Variants in APBA3 observed in about 807,000 individuals in gnomAD.
The protein encoded by APBA3 is amyloid beta precursor protein binding family A member 3.
A neutral mutation model predicts 55.9 loss-of-function variants in APBA3; 45 were observed. That is an observed-to-expected ratio of 0.80 (90% CI 0.63 to 1.03). The LOEUF (loss-of-function observed/expected upper bound fraction) is 1.03, where lower values mean the gene tolerates loss of function less well. Ranked by LOEUF, APBA3 falls within the 50% of genes least tolerant of loss-of-function variation. The probability of loss-of-function intolerance (pLI) is 0.00; values close to 1 mark genes in which losing one functional copy is unlikely to be tolerated. For missense variants in APBA3, 865 were observed against 820.3 expected (o/e 1.05, Z -0.67); for synonymous variants, 370 against 353.3 (o/e 1.05, Z -0.53).
chr19:3,755,203 G>A, intron 3 of APBA3: 1 of 152,288 alleles, frequency 6.6e-6, no homozygotes, highest in Non-Finnish European at 1.5e-5. Flanking sequence ...ACCCCAGCTG[G>A]TTCTGACCCT....
intron 1 of APBA3, among the ~76,000 whole-genome samples, chr19:3,761,041 G>T (rs1327069703): frequency 6.6e-6 from 1 of 152,182 alleles, no homozygotes; most frequent in Non-Finnish European, 1.5e-5. Context: ...TTGCAAGGAA[G>T]TTAGGATTCC....
At chr19:3,753,641 G>C in intron 6 of APBA3, 124 bp downstream of exon 6, 1 of 1,024,000 alleles carries the variant, frequency 9.8e-7, no homozygotes, top group Non-Finnish European at 1.4e-6. Flanking sequence ...AGGAGACCTT[G>C]TCCCAAAAAA....
At chr19:3,752,463 C>T (rs1288250465) in intron 8 of APBA3, 45 bp downstream of exon 8, 1 of 1,505,408 alleles carries the variant, frequency 6.6e-7, no homozygotes. Context: ...GGACTCAGCT[C>T]CCCTTCCTGG....
chr19:3,752,880 G>A lies in APBA3; in HGVS notation c.1122C>T (p.Gly374=), dbSNP rs200627733. ...PSQVGVHPSP[G]ACHLHNGDLD... ...GGTCCCCATTATGGAGGTGGCAGGC[G>A]CCTGGGCTCGGGTGCACGCCCACCT... is the stretch of plus-strand genomic sequence containing the variant. The change falls in exon 7 of 11, where the codon GGC becomes GGT. Residue 374 remains glycine, a synonymous_variant. Transcript: ENST00000316757. 61 of 1,613,154 alleles carry A rather than the reference G, an allele frequency of 3.8e-5. No homozygotes were observed. Among genetic ancestry groups the A allele is most frequent in the South Asian group, 1.8e-4 (16 of 91,086 alleles).
intron 3 of APBA3, among the ~76,000 whole-genome samples, chr19:3,757,602 G>A (rs1277017488): frequency 6.6e-6 from 1 of 152,116 alleles, no homozygotes; most frequent in East Asian, 1.9e-4. Flanking sequence ...CACGGTGGCG[G>A]ACGCTTGTAA....
rs373965806 is a variant in APBA3, at chr19:3,751,473, G to A, written c.1476C>T (p.His492=). 1.5e-5 allele frequency: 23 copies of A among 1,564,404 alleles called. No individual in the cohort carries two copies. The highest frequency in any genetic ancestry group is 1.1e-4 in the Admixed American group (6 of 52,562). Residue 492 remains histidine (H), a synonymous_variant, in exon 9 of 11, where the codon CAC becomes CAT. Transcript: ENST00000316757. ...PVTTAIIHRP[H]AREQLGFCVE... is the part of the protein sequence containing the mutation. ...CGCAGAAGCCCAGCTGCTCGCGGGC[G>A]TGGGGCCGGTGGATGATGGCGGTGG...
At position 3,759,546 on chromosome 19, in the gene APBA3, G is replaced by A. The variant is rs1326755819; in HGVS notation, c.616+15C>T. On this transcript the variant is annotated intron_variant, in intron 3 of 10. Coordinates refer to ENST00000316757, the MANE Select transcript of APBA3 (RefSeq NM_004886.4). ...GGCCTTCAGTGCCTGAGGCTAGGGT[G>A]GGCGGGACACTCACCCTCCTGGGGG... is the stretch of plus-strand genomic sequence containing the variant. The A allele has an allele frequency of 1.9e-6, 3 of 1,591,698 alleles. No individual in the cohort carries two copies. The highest frequency in any genetic ancestry group is 2.3e-5 in the South Asian group (2 of 88,248).
chr19:3,752,975 G>T lies in APBA3; in HGVS notation c.1027C>A (p.Gln343Lys). 1 of 1,612,302 alleles carries T rather than the reference G, an allele frequency of 6.2e-7. No homozygotes were observed. The highest frequency in any genetic ancestry group is 8.5e-7 in the Non-Finnish European group (1 of 1,179,878). Residue 343 changes from glutamine to lysine, a missense_variant, in exon 7 of 11, where the codon CAG becomes AAG. By Grantham distance (53) the Gln-to-Lys change is moderately conservative (BLOSUM62 1). Coordinates refer to ENST00000316757, the MANE Select transcript of APBA3 (RefSeq NM_004886.4). ...FYAEDAQLIA[Q>K]AIGQAFAAAY... is the part of the protein sequence containing the mutation. Reference sequence around the variant, plus strand: ...GCGGCGAAGGCCTGGCCAATGGCCTGGGCGATGAGCTGGGCCTGCGGGGAG... The same window carrying T: ...GCGGCGAAGGCCTGGCCAATGGCCTTGGCGATGAGCTGGGCCTGCGGGGAG...
At chr19:3,760,358 TA>T in intron 1 of APBA3, 57 bp from the exon 2 acceptor site, 1 of 1,201,156 alleles carries the variant, frequency 8.3e-7, no homozygotes, top group Non-Finnish European at 1.1e-6. Flanking sequence ...CTCATGCCTG[TA>T]ATCCCAGAAT....
intron 3 of APBA3, among the ~76,000 whole-genome samples, chr19:3,758,804 G>C (rs1309917097): frequency 6.6e-6 from 1 of 151,938 alleles, no homozygotes; most frequent in Non-Finnish European, 1.5e-5. Context: ...CTTGAACCCG[G>C]GAGGCGGAAG....
In APBA3 at chr19:3,754,334, C is replaced by A; in HGVS notation, c.623G>T (p.Gly208Val). ...CAGGAGGTCTTCATGGTCACAGGGA[C>A]CAGGCACTGAGGGCGACAGCGAAGA... ...ASYPAPQEVP[G>V]PCDHEDLLDG... is the part of the protein sequence containing the mutation. The change falls in exon 4 of 11, where the codon GGT becomes GTT. Residue 208 changes from glycine (G) to valine (V), a missense_variant. By Grantham distance (109) the Gly-to-Val change is moderately radical. Coordinates refer to ENST00000316757, the MANE Select transcript of APBA3 (RefSeq NM_004886.4). 6.4e-7 allele frequency: 1 copy of A among 1,558,962 alleles called. No homozygotes were observed. Among genetic ancestry groups the A allele is most frequent in the Non-Finnish European group, 8.7e-7 (1 of 1,154,102 alleles).
intron 3 of APBA3, chr19:3,756,067 G>T (rs1319747600): frequency 6.6e-6 from 1 of 152,166 alleles, no homozygotes; most frequent in Non-Finnish European, 1.5e-5. Flanking sequence ...AGAGAGATAC[G>T]TCATTCACTG....
At chr19:3,758,093 C>A (rs941753922) in intron 3 of APBA3, among the ~76,000 whole-genome samples, 1 of 151,844 alleles carries the variant, frequency 6.6e-6, no homozygotes, top group Admixed American at 6.6e-5. Context: ...CACTACCATG[C>A]CCGGCTAATT....
At chr19:3,754,362 G>A (rs1352449591) in intron 3 of APBA3, 22 bp from the exon 4 acceptor site, 3 of 1,547,896 alleles carry the variant, frequency 1.9e-6, no homozygotes, top group Non-Finnish European at 2.6e-6. Flanking sequence ...AGCGAAGAGG[G>A]TCGGCCCCCA....
Position 3,752,694 on chromosome 19 carries a change from C to T in APBA3, c.1209G>A (p.Glu403=), listed in dbSNP as rs1362395437. 2 of 1,595,152 alleles carry T rather than the reference C, an allele frequency of 1.3e-6. No individual in the cohort carries two copies. The highest frequency in any genetic ancestry group is 1.7e-6 in the Non-Finnish European group (2 of 1,175,370). The change falls in exon 8 of 11, where the codon GAG becomes GAA. Residue 403 remains glutamate (E), a synonymous_variant. Transcript: ENST00000316757. ...REVHLEKRRG[E]GLGVALVESG... is the part of the protein sequence containing the mutation. ...ACTCCACCAGGGCCACGCCCAGGCC[C>T]TCCCCTCGCCGCTTCTCGAGGTGCA...
chr19:3,751,180 C>T lies in APBA3; in HGVS notation c.1656+9G>A. 6.4e-7 allele frequency: 1 copy of T among 1,552,838 alleles called. No homozygotes were observed. Among genetic ancestry groups the T allele is most frequent in the Non-Finnish European group, 8.7e-7 (1 of 1,148,698 alleles). On this transcript the variant is annotated intron_variant, in intron 10 of 10. Coordinates refer to ENST00000316757, the MANE Select transcript of APBA3 (RefSeq NM_004886.4). ...GGGCGCCCCTGGCCACCACCCACCA[C>T]CCGCACACCTCGCCATAGGCCTCGG...
chr19:3,752,697 C>A lies in APBA3; in HGVS notation c.1206G>T (p.Gly402=), dbSNP rs1298912925. ...CCACCAGGGCCACGCCCAGGCCCTC[C>A]CCTCGCCGCTTCTCGAGGTGCACCT... ...CREVHLEKRR[G]EGLGVALVES... Residue 402 remains glycine (G), a synonymous_variant, in exon 8 of 11, where the codon GGG becomes GGT. Transcript: ENST00000316757. 5 of 1,595,802 alleles carry A rather than the reference C, an allele frequency of 3.1e-6. No homozygotes were observed. The highest frequency in any genetic ancestry group is 4.3e-6 in the Non-Finnish European group (5 of 1,175,560).
At position 3,754,066 on chromosome 19, in the gene APBA3, G is replaced by C; in HGVS notation, c.802C>G (p.Leu268Val). 6.2e-7 allele frequency: 1 copy of C among 1,610,930 alleles called. No individual in the cohort carries two copies. Reference sequence around the variant, plus strand: ...TTGATCCTCTTGGTGGAGACGAACAGGTCCACCTCCGTCATGGGCTGGGTC... The same window carrying C: ...TTGATCCTCTTGGTGGAGACGAACACGTCCACCTCCGTCATGGGCTGGGTC... ...GETQPMTEVD[L>V]FVSTKRIKVL... The change falls in exon 5 of 11, where the codon CTG becomes GTG. Residue 268 changes from leucine to valine, a missense_variant. Transcript: ENST00000316757.
At position 3,752,542 on chromosome 19, in the gene APBA3, C is replaced by G. The variant is rs1013540370; in HGVS notation, c.1361G>C (p.Gly454Ala). 3.8e-6 allele frequency: 6 copies of G among 1,587,864 alleles called. No individual in the cohort carries two copies. Among genetic ancestry groups the G allele is most frequent in the Non-Finnish European group, 5.1e-6 (6 of 1,172,152 alleles). The change falls in exon 8 of 11, where the codon GGG becomes GCG. Residue 454 changes from glycine to alanine, a missense_variant. By Grantham distance (60) the Gly-to-Ala change is moderately conservative. Coordinates refer to ENST00000316757, the MANE Select transcript of APBA3 (RefSeq NM_004886.4). ...LTAINGTSLV[G>A]LPLAACQAAV... Reference sequence around the variant, plus strand: ...GGCCTGGCACGCAGCCAGGGGCAGCCCCACCAGGCTGGTCCCGTTGATGGC... The same window carrying G: ...GGCCTGGCACGCAGCCAGGGGCAGCGCCACCAGGCTGGTCCCGTTGATGGC...
Sources: allele counts gnomAD v4.1 joint callset (sites outside exome capture counted in the v4.1 genomes callset), GRCh38; gene constraint gnomAD v4.1.1; transcripts MANE v1.5; gene names NCBI Gene and HGNC (gene_info 2026-07-23, HGNC 2026-07-21).